CNTNAP2: variants seen among roughly 807,000 people sequenced by gnomAD.
The protein encoded by CNTNAP2 is contactin associated protein 2.
In CNTNAP2, 98 loss-of-function variants were observed where a neutral mutation model predicts 155.2. The ratio of observed to expected loss-of-function variants is 0.63; its 90% CI spans 0.54 to 0.75. CNTNAP2 has a LOEUF of 0.75. Ranked by LOEUF, CNTNAP2 falls within the 30% of genes least tolerant of loss-of-function variation. The pLI is 0.00. For missense variants in CNTNAP2, 1,727 were observed against 1,688.1 expected (o/e 1.02, Z -0.40); for synonymous variants, 651 against 631.2 (o/e 1.03, Z -0.47).
intron 3 of CNTNAP2, among the ~76,000 whole-genome samples, chr7:146,908,134 C>G (rs963075448): frequency 6.6e-6 from 1 of 152,074 alleles, no homozygotes; most frequent in African/African-American, 2.4e-5. Context: ...AATACAGGAG[C>G]ACCCAGATTC....
At chr7:148,409,562 T>A (rs13241417) in intron 23 of CNTNAP2, 91 bp downstream of exon 23, 1 of 1,088,150 alleles carries the variant, frequency 9.2e-7, no homozygotes, top group South Asian at 1.3e-5. Flanking sequence ...AAAAAAAGTT[T>A]TCTAGGTTTT....
intron 5 of CNTNAP2, among the ~76,000 whole-genome samples, 156 bp from the exon 6 acceptor site, chr7:147,120,823 T>A (rs1210050610): frequency 6.6e-6 from 1 of 152,104 alleles, no homozygotes; most frequent in Admixed American, 6.6e-5. Flanking sequence ...TAAAGTATTT[T>A]TAAGTGTCGT....
chr7:146,327,566 C>T (rs1801118113), intron 1 of CNTNAP2, among the ~76,000 whole-genome samples: 1 of 152,200 alleles, frequency 6.6e-6, no homozygotes, highest in African/African-American at 2.4e-5. Flanking sequence ...ATCTAGCAAG[C>T]AGTCCATACA....
At chr7:146,308,971 TATAATA>T (rs1022774360) in intron 1 of CNTNAP2, among the ~76,000 whole-genome samples, 1 of 151,836 alleles carries the variant, frequency 6.6e-6, no homozygotes, top group African/African-American at 2.4e-5. Flanking sequence ...GAACCTAAAT[TATAATA>T]ATAATAATAA....
At chr7:146,755,409 T>C (rs190759792) in intron 1 of CNTNAP2, among the ~76,000 whole-genome samples, 3 of 152,138 alleles carry the variant, frequency 2.0e-5, no homozygotes, top group Admixed American at 2.0e-4. Context: ...TAAATTGTTA[T>C]TGGTATACAG....
At chr7:147,600,453 C>T (rs1800922358) in intron 12 of CNTNAP2, among the ~76,000 whole-genome samples, 1 of 152,148 alleles carries the variant, frequency 6.6e-6, no homozygotes, top group African/African-American at 2.4e-5. Context: ...TCAGCATGCC[C>T]AAGTTCCAAT....
chr7:147,160,437 A>G (rs1024153765), intron 8 of CNTNAP2, among the ~76,000 whole-genome samples: 4 of 152,216 alleles, frequency 2.6e-5, no homozygotes, highest in Admixed American at 6.5e-5. Flanking sequence ...TACAAACCAG[A>G]TTGCTAGGTG....
At position 146,959,416 on chromosome 7, in the gene CNTNAP2, A is replaced by AT. The variant is rs35714874; in HGVS notation, c.403-84483dup. On this transcript the variant is annotated intron_variant, in intron 3 of 23. Coordinates refer to ENST00000361727, the MANE Select transcript of CNTNAP2 (RefSeq NM_014141.6). ...AGAGTCAAGATGACACCGTAAAATTATTTTTTTTAAAAAAGAAAGAAGCCT... is the reference window on the plus strand; with the variant it reads ...AGAGTCAAGATGACACCGTAAAATTATTTTTTTTTAAAAAAGAAAGAAGCCT... 5.9e-3 allele frequency among the ~76,000 whole-genome samples: 890 copies of AT among 151,972 alleles called. 4 individuals are homozygous for AT. The highest frequency in any genetic ancestry group is 0.027 in the East Asian group (139 of 5,146).
intron 1 of CNTNAP2, among the ~76,000 whole-genome samples, chr7:146,309,804 AAAC>A (rs1248965189): frequency 6.6e-6 from 1 of 151,270 alleles, no homozygotes; most frequent in Middle Eastern, 3.2e-3. Flanking sequence ...CTGTCAAAGA[AAAC>A]AAAAAAAAGA....
At position 146,774,359 on chromosome 7, in the gene CNTNAP2, T is replaced by C. The variant is rs1802351065; in HGVS notation, c.186T>C (p.Tyr62=). 6.2e-7 allele frequency: 1 copy of C among 1,613,968 alleles called. No homozygotes were observed. The highest frequency in any genetic ancestry group is 8.5e-7 in the Non-Finnish European group (1 of 1,179,930). The part of the protein sequence containing the change: ...SSISGSYSPG[Y]AKINKRGGAG... ...TCTCTGGTAGCTATTCTCCCGGCTA[T>C]GCCAAGATAAACAAGAGAGGAGGTA... is the stretch of plus-strand genomic sequence containing the variant. The change falls in exon 2 of 24, where the codon TAT becomes TAC. Residue 62 remains tyrosine, a synonymous_variant. Coordinates refer to ENST00000361727, the MANE Select transcript of CNTNAP2 (RefSeq NM_014141.6).
intron 8 of CNTNAP2, among the ~76,000 whole-genome samples, chr7:147,253,689 CAG>C (rs1313003138): frequency 6.6e-5 from 10 of 152,180 alleles, no homozygotes; most frequent in Non-Finnish European, 1.3e-4. Context: ...ATCTTAGACA[CAG>C]AGATCAGGTT....
chr7:148,190,538 G>C (rs1483062829), intron 18 of CNTNAP2: 2 of 152,202 alleles, frequency 1.3e-5, no homozygotes, highest in Non-Finnish European at 2.9e-5. Flanking sequence ...TAGAGCGACA[G>C]AATCAAGAGG....
chr7:147,761,312 C>T (rs1017092947), intron 13 of CNTNAP2, among the ~76,000 whole-genome samples: 3 of 152,124 alleles, frequency 2.0e-5, no homozygotes, highest in Admixed American at 6.6e-5. Context: ...ATTTTCTGTT[C>T]CAGGTACATC....
At chr7:146,925,056 G>T (rs1197557732) in intron 3 of CNTNAP2, among the ~76,000 whole-genome samples, 4 of 152,076 alleles carry the variant, frequency 2.6e-5, no homozygotes, top group African/African-American at 9.7e-5. Context: ...CTCTTTGGAT[G>T]GTTGTAAGTT....
Position 147,529,314 on chromosome 7 carries a change from C to T in CNTNAP2, c.1778-32824C>T, listed in dbSNP as rs187036928. On this transcript the variant is annotated intron_variant, in intron 11 of 23. Coordinates refer to ENST00000361727, the MANE Select transcript of CNTNAP2 (RefSeq NM_014141.6). ...CATTTTGGCTTTTGAAAGTGAACTCCACCATAAAAAGATAAAAACCAATCT... is the reference window on the plus strand; with the variant it reads ...CATTTTGGCTTTTGAAAGTGAACTCTACCATAAAAAGATAAAAACCAATCT... Among the ~76,000 whole-genome samples, 311 of 152,256 alleles carry T rather than the reference C, an allele frequency of 2.0e-3. 1 individual carries two copies. The highest frequency in any genetic ancestry group is 7.4e-3 in the African/African-American group (308 of 41,544).
At chr7:147,819,225 G>A (rs1175639070) in intron 13 of CNTNAP2, among the ~76,000 whole-genome samples, 2 of 152,180 alleles carry the variant, frequency 1.3e-5, no homozygotes, top group African/African-American at 4.8e-5. Context: ...CAGATAGATG[G>A]TTCTAGCTCT....
At chr7:147,124,121 T>G (rs2129283431) in intron 6 of CNTNAP2, among the ~76,000 whole-genome samples, 1 of 152,306 alleles carries the variant, frequency 6.6e-6, no homozygotes, top group Admixed American at 6.5e-5. Flanking sequence ...CTTATCTCCT[T>G]GATATATCCA....
intron 3 of CNTNAP2, among the ~76,000 whole-genome samples, chr7:146,967,425 T>C (rs1797680682): frequency 6.6e-6 from 1 of 152,212 alleles, no homozygotes; most frequent in South Asian, 2.1e-4. Flanking sequence ...ACGATATTGA[T>C]TCTTCCTACC....
At chr7:146,695,205 A>G (rs966798274) in intron 1 of CNTNAP2, among the ~76,000 whole-genome samples, 1 of 152,128 alleles carries the variant, frequency 6.6e-6, no homozygotes, top group Non-Finnish European at 1.5e-5. Context: ...TTGCTATGAT[A>G]TTAACTACAA....
Sources: allele counts gnomAD v4.1 joint callset (sites outside exome capture counted in the v4.1 genomes callset), GRCh38; gene constraint gnomAD v4.1.1; transcripts MANE v1.5; gene names NCBI Gene and HGNC (gene_info 2026-07-23, HGNC 2026-07-21).